The following CACNA2D3 variants were observed in gnomAD, a reference collection of about 807,000 sequenced individuals.
The protein encoded by CACNA2D3 is voltage-dependent calcium channel subunit alpha-2/delta-3.
In CACNA2D3, 60 loss-of-function variants were observed where a neutral mutation model predicts 160.6. The ratio of observed to expected loss-of-function variants is 0.37; its 90% confidence interval spans 0.30 to 0.46. The LOEUF is 0.46. Among genes scored for constraint, CACNA2D3 ranks in the 20% least tolerant of loss-of-function variants. The pLI, the probability that CACNA2D3 is intolerant of heterozygous loss-of-function variation, is 1.00. For missense variants in CACNA2D3, 1,205 were observed against 1,365.0 expected (o/e 0.88, Z 1.85); for synonymous variants, 558 against 492.9 (o/e 1.13, Z -1.75).
chr3:54,956,915 G>T lies in CACNA2D3; in HGVS notation c.2450-11535G>T, dbSNP rs116033277. ...GAAACCTCTTTGCCTTTGCTGTATA[G>T]GTTGAAAACAGGGGTGAAGGTAACT... On this transcript the variant is annotated intron_variant, in intron 27 of 37. Transcript: ENST00000474759. 3.5e-3 allele frequency among the ~76,000 whole-genome samples: 539 copies of T among 151,948 alleles called. 5 individuals carry two copies. The highest frequency in any genetic ancestry group is 0.012 in the African/African-American group (513 of 41,440).
At chr3:55,025,324 C>T (rs148531596) in intron 35 of CACNA2D3, among the ~76,000 whole-genome samples, 80 of 152,128 alleles carry the variant, frequency 5.3e-4, no homozygotes, top group Middle Eastern at 6.8e-3. Context: ...TGGGGAATGC[C>T]AAGATGGATA....
chr3:54,795,793 G>T (rs1702855178), intron 13 of CACNA2D3, among the ~76,000 whole-genome samples: 1 of 152,150 alleles, frequency 6.6e-6, no homozygotes, highest in Non-Finnish European at 1.5e-5. Flanking sequence ...AACTCCCATT[G>T]AATTGTAAAC....
intron 3 of CACNA2D3, among the ~76,000 whole-genome samples, chr3:54,363,496 A>G (rs2107543272): frequency 6.6e-6 from 1 of 152,208 alleles, no homozygotes; most frequent in Middle Eastern, 3.4e-3. Flanking sequence ...GGTCTTTAAT[A>G]ACTTCTTCTG....
chr3:54,173,480 C>CT (rs1273916771), intron 2 of CACNA2D3, among the ~76,000 whole-genome samples: 1 of 152,166 alleles, frequency 6.6e-6, no homozygotes, highest in Non-Finnish European at 1.5e-5. Context: ...CACAAGGCTG[C>CT]TTTTTTTCTG....
chr3:54,539,467 G>T (rs1464195283), intron 5 of CACNA2D3, among the ~76,000 whole-genome samples: 2 of 152,156 alleles, frequency 1.3e-5, no homozygotes, highest in Non-Finnish European at 2.9e-5. Context: ...TGTGTGTGTT[G>T]TATGTGCTAA....
chr3:54,181,752 C>G (rs1700787850), intron 2 of CACNA2D3, among the ~76,000 whole-genome samples: 1 of 152,124 alleles, frequency 6.6e-6, no homozygotes, highest in African/African-American at 2.4e-5. Context: ...GCACATGCTT[C>G]TTATTGAAGA....
chr3:54,729,236 T>A (rs1444068875), intron 11 of CACNA2D3, among the ~76,000 whole-genome samples: 1 of 152,188 alleles, frequency 6.6e-6, no homozygotes, highest in Non-Finnish European at 1.5e-5. Flanking sequence ...TTCTTCCCTA[T>A]TAATTGGCAA....
At chr3:54,934,799 G>A (rs1438033193) in intron 27 of CACNA2D3, among the ~76,000 whole-genome samples, 3 of 152,038 alleles carry the variant, frequency 2.0e-5, no homozygotes, top group East Asian at 3.9e-4. Context: ...TGGCGCTATC[G>A]TAGCTCACTG....
chr3:54,312,408 C>T (rs1490966748), intron 2 of CACNA2D3, among the ~76,000 whole-genome samples: 1 of 152,134 alleles, frequency 6.6e-6, no homozygotes, highest in African/African-American at 2.4e-5. Context: ...GCCAAGTCCA[C>T]TCAGAGCCCC....
intron 2 of CACNA2D3, among the ~76,000 whole-genome samples, chr3:54,132,225 C>T (rs1699727269): frequency 6.6e-6 from 1 of 152,204 alleles, no homozygotes; most frequent in Non-Finnish European, 1.5e-5. Flanking sequence ...ATTCTTTCCT[C>T]TTGACTTTGG....
chr3:54,867,848 T>C (rs1270251445), intron 17 of CACNA2D3, among the ~76,000 whole-genome samples: 1 of 152,242 alleles, frequency 6.6e-6, no homozygotes, highest in African/African-American at 2.4e-5. Flanking sequence ...GCGTGGGTTA[T>C]GTACCCACCT....
intron 13 of CACNA2D3, among the ~76,000 whole-genome samples, chr3:54,768,174 GT>G (rs1702256102): frequency 6.6e-6 from 1 of 152,172 alleles, no homozygotes. Context: ...GGGGGAAAAA[GT>G]GGCACCTGAA....
chr3:55,071,408 A>C (rs921854274), intron 35 of CACNA2D3, among the ~76,000 whole-genome samples: 1 of 152,144 alleles, frequency 6.6e-6, no homozygotes, highest in African/African-American at 2.4e-5. Flanking sequence ...TGCTATCCAT[A>C]TTGATCAGGT....
chr3:54,969,869 T>G, intron 29 of CACNA2D3, 25 bp downstream of exon 29: 1 of 1,607,614 alleles, frequency 6.2e-7, no homozygotes, highest in Admixed American at 1.7e-5. Context: ...TGGTCCTGTT[T>G]CTACCCCTGT....
intron 11 of CACNA2D3, among the ~76,000 whole-genome samples, chr3:54,682,135 G>A (rs1014254934): frequency 6.7e-6 from 1 of 150,288 alleles, no homozygotes; most frequent in South Asian, 2.1e-4. Context: ...GCCTCCTTTT[G>A]TGTCTCATTT....
chr3:54,603,374 C>G (rs1703100292), intron 9 of CACNA2D3, among the ~76,000 whole-genome samples: 2 of 152,208 alleles, frequency 1.3e-5, no homozygotes, highest in African/African-American at 4.8e-5. Flanking sequence ...TCTCTCAACC[C>G]CATCTATCCA....
chr3:54,924,812 A>G (rs763174320), intron 27 of CACNA2D3: 3 of 1,614,000 alleles, frequency 1.9e-6, no homozygotes, highest in Non-Finnish European at 2.5e-6. Context: ...AGGATGTGGG[A>G]AGGTGGCTTA....
At chr3:54,925,175 C>T in intron 27 of CACNA2D3, 3 of 1,614,068 alleles carry the variant, frequency 1.9e-6, no homozygotes, top group Non-Finnish European at 1.7e-6. Context: ...TGCATACCAC[C>T]TGGAGCAGGA....
At chr3:54,969,303 A>G (rs1575414114) in intron 28 of CACNA2D3, among the ~76,000 whole-genome samples, 1 of 132,544 alleles carries the variant, frequency 7.5e-6, no homozygotes, top group East Asian at 2.3e-4. Flanking sequence ...TCTGTCTCCC[A>G]GGCTGGAGTG....
Sources: allele counts gnomAD v4.1 joint callset (sites outside exome capture counted in the v4.1 genomes callset), GRCh38; gene constraint gnomAD v4.1.1; transcripts MANE v1.5; gene names NCBI Gene and HGNC (gene_info 2026-07-23, HGNC 2026-07-21).